CRACD: variants seen among roughly 807,000 people sequenced by gnomAD.
The protein encoded by CRACD is capping protein inhibiting regulator of actin dynamics.
In CRACD, 56 loss-of-function variants were observed where a neutral mutation model predicts 106.8. That is an observed-to-expected ratio of 0.52 (90% CI 0.42 to 0.66). CRACD has a LOEUF of 0.66. Ranked by LOEUF, CRACD falls within the 30% of genes least tolerant of loss-of-function variation. The pLI is 0.00. For missense variants in CRACD, 1,730 were observed against 1,623.2 expected, an observed-to-expected ratio of 1.07 and a Z score of -1.13; for synonymous variants, 754 against 670.8, an observed-to-expected ratio of 1.12 and a Z score of -1.92.
At chr4:56,084,860 G>A (rs1051980303) in intron 1 of CRACD, among the ~76,000 whole-genome samples, 4 of 152,310 alleles carry the variant, frequency 2.6e-5, no homozygotes, top group Non-Finnish European at 4.4e-5. Flanking sequence ...TTCTAGGTGA[G>A]TTTTGATTAG....
chr4:56,055,887 A>G (rs572579449), intron 1 of CRACD, among the ~76,000 whole-genome samples: 1 of 152,352 alleles, frequency 6.6e-6, no homozygotes, highest in Non-Finnish European at 1.5e-5. Context: ...AATAAGCAAG[A>G]CAGTGTGGGA....
chr4:56,255,584 G>T (rs925613498), intron 2 of CRACD, among the ~76,000 whole-genome samples: 1 of 152,146 alleles, frequency 6.6e-6, no homozygotes, highest in Admixed American at 6.5e-5. Context: ...GACCTGCTGA[G>T]AAGAAAGTAA....
chr4:56,152,840 A>C (rs182944577), intron 1 of CRACD, among the ~76,000 whole-genome samples: 1 of 152,278 alleles, frequency 6.6e-6, no homozygotes, highest in South Asian at 2.1e-4. Context: ...TCATCTTCCC[A>C]TGGGAATGCC....
chr4:56,115,209 C>A (rs561508023), intron 1 of CRACD, among the ~76,000 whole-genome samples: 1 of 152,148 alleles, frequency 6.6e-6, no homozygotes, highest in Non-Finnish European at 1.5e-5. Context: ...AAACCCATAT[C>A]ATAACCCTAA....
intron 1 of CRACD, among the ~76,000 whole-genome samples, chr4:56,132,487 G>A (rs1222475384): frequency 6.6e-6 from 1 of 151,878 alleles, no homozygotes; most frequent in African/African-American, 2.4e-5. Context: ...GGGCTACAGG[G>A]GTGCACCACC....
At chr4:56,100,122 A>G (rs1360484628) in intron 1 of CRACD, among the ~76,000 whole-genome samples, 1 of 152,118 alleles carries the variant, frequency 6.6e-6, no homozygotes, top group Non-Finnish European at 1.5e-5. Flanking sequence ...AGGCATCTGT[A>G]ATCCCAGCTA....
At chr4:56,300,373 AC>A (rs33946960) in intron 4 of CRACD, among the ~76,000 whole-genome samples, 152,294 of 152,294 alleles carry the variant, frequency 1, 76,147 homozygotes, top group Non-Finnish European at 1. Context: ...CTCAGGGCCA[AC>A]CCCCAGACAT....
In CRACD at chr4:56,311,938, G is replaced by A. The variant is rs146001286; in HGVS notation, c.354+1204G>A. On this transcript the variant is annotated intron_variant, in intron 6 of 10. Coordinates refer to ENST00000682029, the MANE Select transcript of CRACD (RefSeq NM_001393381.1). ...GGCCTGTGGGTTCGGGCTGTGTCAC[G>A]ATCTCTCTGATCTTTCCAAATCTAC... 9.2e-5 allele frequency among the ~76,000 whole-genome samples: 14 copies of A among 152,184 alleles called. No individual in the cohort carries two copies. The East Asian group carries it at 2.5e-3, about 27-fold the overall frequency.
At chr4:56,076,039 A>T (rs1732828411) in intron 1 of CRACD, among the ~76,000 whole-genome samples, 1 of 152,202 alleles carries the variant, frequency 6.6e-6, no homozygotes, top group Non-Finnish European at 1.5e-5. Context: ...CGTATGTTGA[A>T]ATCCTAACCC....
intron 8 of CRACD, chr4:56,320,632 G>C (rs1577915100): frequency 6.6e-6 from 1 of 152,236 alleles, no homozygotes; most frequent in South Asian, 2.1e-4. Context: ...GAAAAGTTGA[G>C]TGACTTGCCT....
At position 56,329,233 on chromosome 4, in the gene CRACD, T is replaced by C. The variant is rs1746652194; in HGVS notation, c.*1429T>C. 6.6e-6 allele frequency among the ~76,000 whole-genome samples: 1 copy of C among 152,232 alleles called. No individual in the cohort carries two copies. The highest frequency in any genetic ancestry group is 2.4e-5 in the African/African-American group (1 of 41,464). ...GGTGCTAACCTTATATTTCATAGTG[T>C]TGGCATATTCCCCTTTTCTTAGATT... On this transcript the variant is annotated 3_prime_UTR_variant, in exon 11 of 11. Coordinates refer to ENST00000682029, the MANE Select transcript of CRACD (RefSeq NM_001393381.1).
chr4:56,260,333 T>C (rs1037362118), intron 2 of CRACD, among the ~76,000 whole-genome samples: 1 of 152,202 alleles, frequency 6.6e-6, no homozygotes, highest in African/African-American at 2.4e-5. Context: ...CATCCTCTTC[T>C]GGGGGAACGG....
At chr4:56,222,746 G>GACC (rs200561331) in intron 2 of CRACD, among the ~76,000 whole-genome samples, 2,579 of 151,942 alleles carry the variant, frequency 0.017, 74 homozygotes, top group African/African-American at 0.058. Context: ...AGGAGTTCGA[G>GACC]AACCTAGCCA....
intron 1 of CRACD, among the ~76,000 whole-genome samples, chr4:56,103,742 A>T (rs1444951401): frequency 6.6e-6 from 1 of 152,206 alleles, no homozygotes; most frequent in Non-Finnish European, 1.5e-5. Context: ...TGTGTGCATA[A>T]CTGTGATTCT....
chr4:56,145,603 T>G (rs921825699), intron 1 of CRACD, among the ~76,000 whole-genome samples: 1 of 152,082 alleles, frequency 6.6e-6, no homozygotes, highest in Non-Finnish European at 1.5e-5. Context: ...TTTTCATATA[T>G]TATTTTTTCT....
At chr4:56,144,135 GAGGGAGC>G (rs1735298754) in intron 1 of CRACD, among the ~76,000 whole-genome samples, 1 of 152,192 alleles carries the variant, frequency 6.6e-6, no homozygotes. Context: ...ACCTACAGGT[GAGGGAGC>G]ACATGGTGCT....
At chr4:56,100,571 A>G (rs1239474937) in intron 1 of CRACD, among the ~76,000 whole-genome samples, 2 of 152,190 alleles carry the variant, frequency 1.3e-5, no homozygotes, top group African/African-American at 2.4e-5. Flanking sequence ...AACCACCAGT[A>G]CCTTAGAATG....
intron 2 of CRACD, among the ~76,000 whole-genome samples, chr4:56,198,700 G>T (rs1475502670): frequency 6.6e-6 from 1 of 152,092 alleles, no homozygotes; most frequent in Admixed American, 6.5e-5. Flanking sequence ...AAGATGGAAA[G>T]AGAAAATGTG....
intron 3 of CRACD, among the ~76,000 whole-genome samples, chr4:56,294,970 A>G (rs1023918541): frequency 6.6e-6 from 1 of 151,290 alleles, no homozygotes; most frequent in African/African-American, 2.4e-5. Context: ...AGAAAGAAAG[A>G]AAAAAACCCA....
Sources: gnomAD v4.1 joint callset for allele counts (sites outside exome capture counted in the v4.1 genomes callset) on GRCh38, gnomAD v4.1.1 for gene constraint, MANE v1.5 for transcripts, NCBI Gene and HGNC (gene_info 2026-07-23, HGNC 2026-07-21) for gene names.